The following GPATCH1 variants were observed in gnomAD, a reference collection of about 807,000 sequenced individuals.
GPATCH1 encodes the protein G patch domain-containing protein 1.
Under a neutral mutation model 114.9 loss-of-function variants are expected in GPATCH1, and 73 were observed. The observed-to-expected ratio is 0.64, with a 90% CI of 0.53 to 0.77. The LOEUF (loss-of-function observed/expected upper bound fraction) is 0.77. GPATCH1 is among the 30% of genes least tolerant of loss of function. The pLI, the probability that GPATCH1 is intolerant of heterozygous loss-of-function variation, is 0.00. For missense variants in GPATCH1, 1,058 were observed against 1,144.3 expected, an observed-to-expected ratio of 0.92 and a Z score of 1.09; for synonymous variants, 391 against 428.4, an observed-to-expected ratio of 0.91 and a Z score of 1.08.
At chr19:33,128,656 G>A (rs978817734) in intron 19 of GPATCH1, among the ~76,000 whole-genome samples, 6 of 152,336 alleles carry the variant, frequency 3.9e-5, no homozygotes, top group Non-Finnish European at 7.3e-5. Context: ...AGCCTCAGGC[G>A]TGAGCCGCTG....
rs754712835 is a variant in GPATCH1, at chr19:33,112,550, C to T, written c.1829C>T (p.Thr610Met). The T allele has an allele frequency of 3.2e-5, 52 of 1,613,572 alleles. No homozygotes were observed. The highest frequency in any genetic ancestry group is 3.9e-5 in the Non-Finnish European group (46 of 1,179,644). The change falls in exon 13 of 20, where the codon ACG becomes ATG. Residue 610 changes from threonine (T) to methionine (M), a missense_variant. By Grantham distance (81) the Thr-to-Met change is moderately conservative (BLOSUM62 -1). This residue lies in a region of GPATCH1 where 893 missense variants were observed against 977.4 expected (regional missense o/e 0.91). Coordinates refer to ENST00000170564, the MANE Select transcript of GPATCH1 (RefSeq NM_018025.3). ...MKMFGKLTRD[T>M]FEWHPDKLLC... ...ATGTTTGGGAAGCTCACCCGAGACA[C>T]GTTTGAGTGGCACCCTGACAAGCTT...
At chr19:33,092,506 C>T (rs1407670313) in intron 3 of GPATCH1, among the ~76,000 whole-genome samples, 2 of 152,160 alleles carry the variant, frequency 1.3e-5, no homozygotes, top group East Asian at 1.9e-4. Flanking sequence ...AGACACAAAG[C>T]CCCACTTCAT....
chr19:33,127,519 T>TAAA (rs60093662), intron 19 of GPATCH1, among the ~76,000 whole-genome samples: 3 of 106,438 alleles, frequency 2.8e-5, no homozygotes, highest in African/African-American at 3.0e-5. Flanking sequence ...CTTGTCTCAA[T>TAAA]AAAAAAAAAA....
intron 8 of GPATCH1, among the ~76,000 whole-genome samples, chr19:33,099,390 G>A (rs1014104280): frequency 4.6e-5 from 7 of 151,064 alleles, no homozygotes; most frequent in African/African-American, 7.3e-5. Context: ...CTTTTCCCTC[G>A]TGCACCAGCT....
intron 19 of GPATCH1, among the ~76,000 whole-genome samples, chr19:33,128,662 C>T (rs927347068): frequency 8.5e-5 from 13 of 152,244 alleles, no homozygotes; most frequent in African/African-American, 2.4e-4. Context: ...AGGCGTGAGC[C>T]GCTGCGCAGG....
chr19:33,094,740 C>T (rs1194366176), intron 5 of GPATCH1, among the ~76,000 whole-genome samples: 6 of 152,148 alleles, frequency 3.9e-5, no homozygotes, highest in African/African-American at 1.4e-4. Flanking sequence ...ATTTCTTGCC[C>T]TGAGTCTCCC....
chr19:33,119,923 TA>T (rs1264963364), intron 17 of GPATCH1, among the ~76,000 whole-genome samples: 3 of 145,664 alleles, frequency 2.1e-5, no homozygotes, highest in South Asian at 2.1e-4. Context: ...ATTTTATATA[TA>T]AAAATTATAT....
chr19:33,106,919 C>T lies in GPATCH1; in HGVS notation c.1285+20C>T, dbSNP rs760135664. 1.6e-5 allele frequency: 25 copies of T among 1,563,590 alleles called. No homozygotes were observed. Among genetic ancestry groups the T allele is most frequent in the African/African-American group, 4.1e-5 (3 of 73,510 alleles). On this transcript the variant is annotated intron_variant, in intron 10 of 19. Transcript: ENST00000170564. Reference sequence around the variant, plus strand: ...TTCAAGGTATGTGCCATGGAGAAGACGGAAATCATTTCACATAATTCGAGT... The same window carrying T: ...TTCAAGGTATGTGCCATGGAGAAGATGGAAATCATTTCACATAATTCGAGT...
At chr19:33,105,411 CAAAAAAAA>C (rs922660129) in intron 9 of GPATCH1, among the ~76,000 whole-genome samples, 3 of 58,534 alleles carry the variant, frequency 5.1e-5, no homozygotes, top group African/African-American at 1.3e-4. Flanking sequence ...GACTCTGTCT[CAAAAAAAA>C]AAAAAAAAAG....
At chr19:33,112,024 GGTGT>G in intron 12 of GPATCH1, 122 bp downstream of exon 12, 1 of 709,768 alleles carries the variant, frequency 1.4e-6, no homozygotes, top group Non-Finnish European at 2.3e-6. Context: ...AGAGTGCAGT[GGTGT>G]GATCTCGGCT....
rs569811856 is a variant in GPATCH1 at position 33,126,854 on chromosome 19, C to T, written c.2765+121C>T. ...CTGGTAGGCCGGGTGCAGTGGCTCA[C>T]GCCTATAATCCCAGCACTTTGGGAG... is the stretch of plus-strand genomic sequence containing the variant. On this transcript the variant is annotated intron_variant, in intron 19 of 19. Transcript: ENST00000170564. 94 of 812,994 alleles carry T rather than the reference C, an allele frequency of 1.2e-4. No homozygotes were observed. In the East Asian group the frequency reaches 1.5e-3, roughly 13 times the overall value. The allele number at this position is 812,994 out of a possible 1,614,324, so 50.4% of individuals were successfully genotyped here. A position where few individuals can be genotyped will look rare whatever the true frequency, so the allele number is the denominator to read the frequency against.
At chr19:33,114,900 C>G (rs891985192) in intron 15 of GPATCH1, among the ~76,000 whole-genome samples, 5 of 149,868 alleles carry the variant, frequency 3.3e-5, no homozygotes, top group Non-Finnish European at 7.4e-5. Context: ...CCTCCCCTCC[C>G]GGGTTCAAGT....
chr19:33,122,522 A>C (rs1009349249), intron 17 of GPATCH1, among the ~76,000 whole-genome samples: 1 of 151,386 alleles, frequency 6.6e-6, no homozygotes, highest in Non-Finnish European at 1.5e-5. Context: ...ATGGGGTTTC[A>C]CCATGTTAGC....
intron 19 of GPATCH1, among the ~76,000 whole-genome samples, chr19:33,129,027 C>G (rs901340606): frequency 2.0e-5 from 3 of 152,020 alleles, no homozygotes; most frequent in Non-Finnish European, 4.4e-5. Flanking sequence ...GCAGGCGGAT[C>G]ATGAGGTCAG....
chr19:33,124,721 G>A (rs754763659), intron 17 of GPATCH1, among the ~76,000 whole-genome samples: 3 of 152,104 alleles, frequency 2.0e-5, no homozygotes, highest in South Asian at 2.1e-4. Context: ...GCGACGTGTC[G>A]AAGATCACAG....
Position 33,096,487 on chromosome 19 carries a change from A to T in GPATCH1, c.852+41A>T, listed in dbSNP as rs375625287. On this transcript the variant is annotated intron_variant, in intron 7 of 19. Coordinates refer to ENST00000170564, the MANE Select transcript of GPATCH1 (RefSeq NM_018025.3). The stretch of plus-strand genomic sequence containing the variant: ...ATTTTATAAAGGGGGAGTCATTGAT[A>T]AATGAGTCTACTTTCTTTCTTTCTT... 33 of 1,497,342 alleles carry T rather than the reference A, an allele frequency of 2.2e-5. No individual in the cohort carries two copies. In the African/African-American group the frequency reaches 4.5e-4, roughly 20 times the overall value. 92.8% of individuals were successfully genotyped at this position (1,497,342 alleles called of 1,614,324 possible).
At chr19:33,106,008 C>G (rs1471516115) in intron 9 of GPATCH1, among the ~76,000 whole-genome samples, 1 of 151,796 alleles carries the variant, frequency 6.6e-6, no homozygotes, top group Non-Finnish European at 1.5e-5. Context: ...GCTACCACGC[C>G]TGGCTAATTT....
chr19:33,091,443 AGCCTCTATT>A lies in GPATCH1; in HGVS notation c.294+584_294+592del, dbSNP rs940884451. Among the ~76,000 whole-genome samples, 3 of 149,584 alleles carry A rather than the reference AGCCTCTATT, an allele frequency of 2.0e-5. No homozygotes were observed. The Admixed American group carries it at 2.0e-4, about 10-fold the overall frequency. Reference sequence around the variant, plus strand: ...AAAAAAAAAAAAAAAAAAAAAGTAAAGCCTCTATTGCCTCAAAAGCTCAGTATCCATGGT... The same window carrying A: ...AAAAAAAAAAAAAAAAAAAAAGTAAAGCCTCAAAAGCTCAGTATCCATGGT... On this transcript the variant is annotated intron_variant, in intron 3 of 19. Transcript: ENST00000170564.
chr19:33,120,256 AT>A (rs986782823), intron 17 of GPATCH1, among the ~76,000 whole-genome samples: 103 of 74,496 alleles, frequency 1.4e-3, no homozygotes, highest in Non-Finnish European at 2.0e-3. Context: ...TATTTTTATA[AT>A]TTTTTATATA....
Sources: allele counts gnomAD v4.1 joint callset (sites outside exome capture counted in the v4.1 genomes callset), GRCh38; gene constraint gnomAD v4.1.1; regional missense constraint gnomAD v4.1.1; transcripts MANE v1.5; gene names NCBI Gene and HGNC (gene_info 2026-07-23, HGNC 2026-07-21).